SCHIP1: variants seen among roughly 807,000 people sequenced by gnomAD.
SCHIP1 encodes schwannomin interacting protein 1, also known as schwannomin-interacting protein 1.
A neutral mutation model predicts 29.7 loss-of-function variants in SCHIP1; 8 were observed. The observed-to-expected ratio is 0.27, with a 90% confidence interval of 0.16 to 0.49. The LOEUF is 0.49. Among genes scored for constraint, SCHIP1 ranks in the 20% least tolerant of loss-of-function variants. The pLI, the probability that SCHIP1 is intolerant of heterozygous loss-of-function variation, is 0.99. For synonymous variants in SCHIP1, 76 were observed against 94.9 expected (o/e 0.80, Z 1.16); for missense variants, 193 against 294.6 (o/e 0.66, Z 2.52).
the SCHIP1 span, among the ~76,000 whole-genome samples, chr3:159,558,364 T>A: frequency 6.6e-6 from 1 of 152,174 alleles, no homozygotes; most frequent in African/African-American, 2.4e-5. Flanking sequence ...CTCTTGCTTA[T>A]TGTCCTGGAA....
At chr3:159,706,404 G>A in the SCHIP1 span, among the ~76,000 whole-genome samples, 1 of 152,214 alleles carries the variant, frequency 6.6e-6, no homozygotes, top group Admixed American at 6.5e-5. Context: ...ACACTGGGCA[G>A]CGATCAAACT....
At chr3:159,514,206 T>C in the SCHIP1 span, among the ~76,000 whole-genome samples, 5 of 152,094 alleles carry the variant, frequency 3.3e-5, no homozygotes, top group Non-Finnish European at 1.5e-5. Context: ...AAACTATGAA[T>C]GTGCGTCGGA....
the SCHIP1 span, among the ~76,000 whole-genome samples, chr3:159,410,218 C>A: frequency 5.9e-5 from 9 of 152,076 alleles, no homozygotes; most frequent in African/African-American, 2.2e-4. Context: ...TTAGACTGAG[C>A]AAAAATTTCT....
At chr3:159,808,778 T>C in the SCHIP1 span, among the ~76,000 whole-genome samples, 3 of 152,086 alleles carry the variant, frequency 2.0e-5, no homozygotes, top group Non-Finnish European at 2.9e-5. Context: ...AAAAATAAGC[T>C]AATTACCCCC....
At chr3:159,384,925 A>T in the SCHIP1 span, among the ~76,000 whole-genome samples, 139 of 152,244 alleles carry the variant, frequency 9.1e-4, no homozygotes, top group African/African-American at 3.2e-3. Context: ...CTCTGATGGT[A>T]GTTTTTGTAT....
chr3:159,512,610 A>T, the SCHIP1 span, among the ~76,000 whole-genome samples: 1 of 152,272 alleles, frequency 6.6e-6, no homozygotes, highest in Non-Finnish European at 1.5e-5. Flanking sequence ...TTTATGAGGT[A>T]CATGAGATGT....
At chr3:159,658,678 C>T in the SCHIP1 span, among the ~76,000 whole-genome samples, 1 of 152,156 alleles carries the variant, frequency 6.6e-6, no homozygotes, top group South Asian at 2.1e-4. Flanking sequence ...CCATTCACAT[C>T]CTGACCACTT....
At chr3:159,733,386 TG>T in the SCHIP1 span, among the ~76,000 whole-genome samples, 38 of 152,176 alleles carry the variant, frequency 2.5e-4, no homozygotes, top group African/African-American at 8.9e-4. Context: ...TGAAAAGAGA[TG>T]GGTGTAGTAT....
chr3:159,816,910 C>T, the SCHIP1 span, among the ~76,000 whole-genome samples: 2 of 152,166 alleles, frequency 1.3e-5, no homozygotes, highest in South Asian at 4.1e-4. Context: ...ACGCAGAGCT[C>T]AGACATCACC....
At chr3:159,764,318 T>A in the SCHIP1 span, 1 of 1,176,706 alleles carries the variant, frequency 8.5e-7, no homozygotes, top group Non-Finnish European at 1.1e-6. This position sits in a 1 kb window ranked among gnomAD's most constrained non-coding sequence, Gnocchi z 6.1. Flanking sequence ...CAGGCCTCCT[T>A]GGGGGACGCA....
the SCHIP1 span, among the ~76,000 whole-genome samples, chr3:159,772,451 C>G: frequency 6.6e-6 from 1 of 152,128 alleles, no homozygotes; most frequent in Non-Finnish European, 1.5e-5. Context: ...CCCATAACTA[C>G]TTTTATCTTG....
At chr3:159,376,821 G>T in the SCHIP1 span, among the ~76,000 whole-genome samples, 2 of 152,208 alleles carry the variant, frequency 1.3e-5, no homozygotes, top group Admixed American at 6.5e-5. Context: ...TCCATCAGTA[G>T]CCCCAGTTTT....
chr3:159,789,199 G>A, the SCHIP1 span, among the ~76,000 whole-genome samples: 1 of 152,106 alleles, frequency 6.6e-6, no homozygotes, highest in Non-Finnish European at 1.5e-5. Context: ...GCAAGTCCAG[G>A]CCAGCAGGCT....
At chr3:159,582,089 A>T in the SCHIP1 span, among the ~76,000 whole-genome samples, 38 of 152,258 alleles carry the variant, frequency 2.5e-4, no homozygotes, top group African/African-American at 8.4e-4. Flanking sequence ...CAAAATCCAG[A>T]TACAAAGCCA....
intron 1 of SCHIP1, among the ~76,000 whole-genome samples, chr3:159,854,665 T>TC (rs1713109603): frequency 6.6e-6 from 1 of 152,072 alleles, no homozygotes; most frequent in Non-Finnish European, 1.5e-5. Flanking sequence ...GCCGTAAGAG[T>TC]CAGATTGCTT....
the SCHIP1 span, among the ~76,000 whole-genome samples, chr3:159,450,152 C>G: frequency 6.6e-6 from 1 of 152,166 alleles, no homozygotes; most frequent in African/African-American, 2.4e-5. Context: ...AGTGTTTTCA[C>G]TCTTCCTATG....
chr3:159,408,080 C>T, the SCHIP1 span, among the ~76,000 whole-genome samples: 7 of 152,100 alleles, frequency 4.6e-5, no homozygotes, highest in African/African-American at 4.8e-5. Context: ...AGGCGGATCA[C>T]GAGGTCAGGA....
the SCHIP1 span, among the ~76,000 whole-genome samples, chr3:159,820,061 G>A: frequency 7.9e-5 from 12 of 152,138 alleles, no homozygotes; most frequent in African/African-American, 2.9e-4. Flanking sequence ...GTTTTTTGGG[G>A]GGATCACATA....
At chr3:159,494,482 G>A in the SCHIP1 span, among the ~76,000 whole-genome samples, 9 of 152,258 alleles carry the variant, frequency 5.9e-5, no homozygotes, top group Admixed American at 1.3e-4. Flanking sequence ...ACACCTCTAC[G>A]CAAATAAACT....
Sources: gnomAD v4.1 joint callset for allele counts (sites outside exome capture counted in the v4.1 genomes callset) on GRCh38, gnomAD v4.1.1 for gene constraint, Gnocchi (gnomAD v3.1) non-coding constraint, MANE v1.5 for transcripts, NCBI Gene and HGNC (gene_info 2026-07-23, HGNC 2026-07-21) for gene names.